ABCD3: variants seen among roughly 807,000 people sequenced by gnomAD.
The protein encoded by ABCD3 is ATP-binding cassette sub-family D member 3.
Under a neutral mutation model 105.5 loss-of-function variants are expected in ABCD3, and 41 were observed. The observed-to-expected ratio is 0.39, with a 90% CI of 0.30 to 0.50. The LOEUF (loss-of-function observed/expected upper bound fraction) is 0.50, where lower values mean the gene tolerates loss of function less well. Among genes scored for constraint, ABCD3 ranks in the 20% least tolerant of loss-of-function variants. ABCD3 has a pLI of 0.84. For synonymous variants in ABCD3, 258 were observed against 269.0 expected (o/e 0.96, Z 0.40); for missense variants, 622 against 806.3 (o/e 0.77, Z 2.77).
the ABCD3 span, among the ~76,000 whole-genome samples, chr1:94,388,840 A>G: frequency 6.6e-6 from 1 of 152,190 alleles, no homozygotes; most frequent in South Asian, 2.1e-4. Flanking sequence ...AAAAACAAAA[A>G]ACAATTTAAT....
At position 94,506,889 on chromosome 1, in the gene ABCD3, A is replaced by G. The variant is rs529416973; in HGVS notation, c.1845+247A>G. Among the ~76,000 whole-genome samples, 13 of 152,112 alleles carry G rather than the reference A, an allele frequency of 8.5e-5. No homozygotes were observed. In the South Asian group the frequency reaches 2.7e-3, roughly 32 times the overall value. Reference sequence around the variant, plus strand: ...ATGTTGTTTTATATAAGTGAGATATAAAAGATATATATAAATGAGATACAA... The same window carrying G: ...ATGTTGTTTTATATAAGTGAGATATGAAAGATATATATAAATGAGATACAA... On this transcript the variant is annotated intron_variant, in intron 21 of 22. Transcript: ENST00000370214.
intron 1 of ABCD3, among the ~76,000 whole-genome samples, chr1:94,445,585 C>A (rs987870140): frequency 1.1e-4 from 17 of 152,276 alleles, no homozygotes; most frequent in Non-Finnish European, 2.1e-4. Flanking sequence ...AGGTTCATCC[C>A]TACCCTCCTG....
chr1:94,511,311 A>G (rs1294739003), intron 21 of ABCD3, among the ~76,000 whole-genome samples: 1 of 152,040 alleles, frequency 6.6e-6, no homozygotes, highest in Non-Finnish European at 1.5e-5. Flanking sequence ...AGAATGTTGA[A>G]TATTGTCCCC....
chr1:94,458,878 C>T (rs183956557), intron 2 of ABCD3, among the ~76,000 whole-genome samples: 4 of 151,210 alleles, frequency 2.6e-5, no homozygotes, highest in Middle Eastern at 3.4e-3. Flanking sequence ...GTTTCCCCCC[C>T]TCTTCTAGCT....
At chr1:94,445,727 A>G (rs1309557641) in intron 1 of ABCD3, among the ~76,000 whole-genome samples, 1 of 152,132 alleles carries the variant, frequency 6.6e-6, no homozygotes, top group Non-Finnish European at 1.5e-5. Context: ...TAAAACAGGG[A>G]CCAAAAGAAC....
chr1:94,489,823 A>G lies in ABCD3; in HGVS notation c.1249+7A>G. 6.2e-7 allele frequency: 1 copy of G among 1,612,702 alleles called. No homozygotes were observed. The highest frequency in any genetic ancestry group is 8.5e-7 in the Non-Finnish European group (1 of 1,178,966). On this transcript the variant is annotated splice_region_variant and intron_variant, in intron 14 of 22. Transcript: ENST00000370214. ...GTCTCACAACAGGAAAAGGGTAAAT[A>G]TGAGTGTCACAGTTTAAGGTCACAA... is the stretch of plus-strand genomic sequence containing the variant.
At chr1:94,504,079 A>G (rs1338701232) in intron 20 of ABCD3, among the ~76,000 whole-genome samples, 1 of 151,548 alleles carries the variant, frequency 6.6e-6, no homozygotes, top group Non-Finnish European at 1.5e-5. Context: ...TGCCCAGCTA[A>G]TTTTTGTATT....
intron 16 of ABCD3, among the ~76,000 whole-genome samples, chr1:94,495,824 G>A (rs1030074804): frequency 6.6e-6 from 1 of 152,064 alleles, no homozygotes; most frequent in Non-Finnish European, 1.5e-5. Context: ...TGAACTTTAG[G>A]ACCTTCTAAG....
the ABCD3 span, among the ~76,000 whole-genome samples, chr1:94,394,031 T>G: frequency 2.0e-5 from 3 of 152,210 alleles, no homozygotes; most frequent in Non-Finnish European, 4.4e-5. Context: ...TTCTTTTCTT[T>G]GTGATAGAAG....
In ABCD3 at chr1:94,510,744, A is replaced by G. The variant is rs541661169; in HGVS notation, c.1845+4102A>G. ...GAATTGATCCCTTTACCATTATGTA[A>G]TGGCCTTCTTTGTCTCTTTTGATCT... On this transcript the variant is annotated intron_variant, in intron 21 of 22. Coordinates refer to ENST00000370214, the MANE Select transcript of ABCD3 (RefSeq NM_002858.4). Among the ~76,000 whole-genome samples, 12 of 152,182 alleles carry G rather than the reference A, an allele frequency of 7.9e-5. No homozygotes were observed. The South Asian group carries it at 2.5e-3, about 32-fold the overall frequency.
intron 1 of ABCD3, among the ~76,000 whole-genome samples, chr1:94,430,925 T>A (rs1406593206): frequency 6.6e-6 from 1 of 152,198 alleles, no homozygotes; most frequent in Non-Finnish European, 1.5e-5. Context: ...GAAAACACCT[T>A]TTCTAACGTT....
At chr1:94,487,201 C>T (rs187449658) in intron 10 of ABCD3, among the ~76,000 whole-genome samples, 4 of 152,212 alleles carry the variant, frequency 2.6e-5, no homozygotes, top group East Asian at 3.9e-4. Context: ...TTTTTGCTTT[C>T]GTTGTTGTCC....
At chr1:94,484,925 A>C (rs776485607) in intron 10 of ABCD3, among the ~76,000 whole-genome samples, 9 of 152,230 alleles carry the variant, frequency 5.9e-5, no homozygotes, top group Admixed American at 2.0e-4. Flanking sequence ...AAGAGTCAGC[A>C]AACTTTTTCC....
intron 1 of ABCD3, among the ~76,000 whole-genome samples, chr1:94,450,314 A>C (rs1660529566): frequency 6.6e-6 from 1 of 152,068 alleles, no homozygotes; most frequent in Non-Finnish European, 1.5e-5. Flanking sequence ...TGTTGGGAAC[A>C]GGCCCCCCAA....
At chr1:94,397,013 G>A in the ABCD3 span, among the ~76,000 whole-genome samples, 2 of 152,076 alleles carry the variant, frequency 1.3e-5, no homozygotes, top group Admixed American at 6.5e-5. Flanking sequence ...ATTTATGCTA[G>A]TTTCTTACTT....
chr1:94,502,620 C>T (rs1650153605), intron 20 of ABCD3, among the ~76,000 whole-genome samples: 2 of 151,918 alleles, frequency 1.3e-5, no homozygotes, highest in South Asian at 4.1e-4. Context: ...CCTCAGCCTC[C>T]CAAGTAGCTG....
At chr1:94,497,464 A>G (rs568408535) in intron 16 of ABCD3, among the ~76,000 whole-genome samples, 3 of 152,274 alleles carry the variant, frequency 2.0e-5, no homozygotes, top group South Asian at 2.1e-4. Context: ...TTTCTTTCCT[A>G]TTGTGTTGCA....
chr1:94,470,998 C>G (rs942275696), intron 4 of ABCD3, among the ~76,000 whole-genome samples: 3 of 152,070 alleles, frequency 2.0e-5, no homozygotes, highest in African/African-American at 4.8e-5. Context: ...CTTCCTCAAG[C>G]ATTCTGTGAC....
chr1:94,418,116 G>A (rs1008275958), upstream of ABCD3, among the ~76,000 whole-genome samples: 3 of 152,218 alleles, frequency 2.0e-5, no homozygotes, highest in African/African-American at 7.2e-5. Flanking sequence ...AAGCCGGGGT[G>A]TGCGCGCGAA....
Sources: allele counts gnomAD v4.1 joint callset (sites outside exome capture counted in the v4.1 genomes callset), GRCh38; gene constraint gnomAD v4.1.1; transcripts MANE v1.5; gene names NCBI Gene and HGNC (gene_info 2026-07-23, HGNC 2026-07-21).